SMARCA2: variants seen among roughly 807,000 people sequenced by gnomAD.
SMARCA2 encodes SWI/SNF related BAF chromatin remodeling complex subunit ATPase 2, also known as SWI/SNF-related matrix-associated actin-dependent regulator of chromatin subfamily A member 2.
In SMARCA2, 61 loss-of-function variants were observed where a neutral mutation model predicts 199.8. That is an observed-to-expected ratio of 0.31 (90% CI 0.25 to 0.38). SMARCA2 has a LOEUF of 0.38. Ranked by LOEUF, SMARCA2 falls within the 10% of genes least tolerant of loss-of-function variation. The probability of loss-of-function intolerance (pLI) is 1.00; values close to 1 mark genes in which losing one functional copy is unlikely to be tolerated. For synonymous variants in SMARCA2, 935 were observed against 732.0 expected, an observed-to-expected ratio of 1.28 and a Z score of -4.48; for missense variants, 1,344 against 2,012.2, an observed-to-expected ratio of 0.67 and a Z score of 6.35.
At position 2,161,960 on chromosome 9, in the gene SMARCA2, C is replaced by G; in HGVS notation, c.4199+57C>G. ...TCTCACCAAGACGCCGAGTGGCGCT[C>G]CCTGAGGAGCAGGAGTTGTTAAGTT... On this transcript the variant is annotated intron_variant, in intron 28 of 33. Transcript: ENST00000349721. This position sits in a 1 kb window ranked among gnomAD's most constrained non-coding sequence, Gnocchi z 4.7. The G allele has an allele frequency of 7.1e-7, 1 of 1,401,924 alleles. No individual in the cohort carries two copies. Among genetic ancestry groups the G allele is most frequent in the Non-Finnish European group, 1.0e-6 (1 of 1,001,436 alleles). 86.8% of individuals were successfully genotyped at this position (1,401,924 alleles called of 1,614,324 possible). A position where few individuals can be genotyped will look rare whatever the true frequency, so the allele number is the denominator to read the frequency against.
Position 2,058,351 on chromosome 9 carries a change from G to T in SMARCA2, c.1408G>T (p.Ala470Ser), listed in dbSNP as rs1420651559. The T allele has an allele frequency of 5.0e-6, 8 of 1,614,028 alleles. No individual in the cohort carries two copies. The highest frequency in any genetic ancestry group is 5.9e-6 in the Non-Finnish European group (7 of 1,180,022). ...TTTTAAGGAATATCATCGGTCTGTG[G>T]CCGGAAAGATCCAGAAGCTCTCCAA... ...KDFKEYHRSV[A>S]GKIQKLSKAV... The change falls in exon 8 of 34, where the codon GCC becomes TCC. Residue 470 changes from alanine to serine, a missense_variant. By Grantham distance (99) the Ala-to-Ser change is moderately conservative. Transcript: ENST00000349721.
Position 2,170,575 on chromosome 9 carries a change from G to C in SMARCA2, c.4253+103G>C. 3 of 1,579,546 alleles carry C rather than the reference G, an allele frequency of 1.9e-6. No individual in the cohort carries two copies. Among genetic ancestry groups the C allele is most frequent in the Non-Finnish European group, 2.6e-6 (3 of 1,156,632 alleles). On this transcript the variant is annotated intron_variant, in intron 29 of 33. Coordinates refer to ENST00000349721, the MANE Select transcript of SMARCA2 (RefSeq NM_003070.5). The surrounding 1 kb of genome is among the most constrained non-coding windows in gnomAD (Gnocchi z 4.7). ...CGGCCTTTGGAAGCAAATTTCTTCG[G>C]TCACCTCCTGATCACCCCTACTTGG...
At chr9:2,133,333 G>T (rs1323309209) in intron 27 of SMARCA2, among the ~76,000 whole-genome samples, 1 of 152,020 alleles carries the variant, frequency 6.6e-6, no homozygotes, top group Non-Finnish European at 1.5e-5. Context: ...AAGAGACAGG[G>T]TCTCACTCTG....
rs796548588 is a variant in SMARCA2 at position 2,115,440 on chromosome 9, C to G, written c.3457-382C>G. 4.6e-5 allele frequency among the ~76,000 whole-genome samples: 7 copies of G among 152,242 alleles called. No individual in the cohort carries two copies. The highest frequency in any genetic ancestry group is 1.2e-4 in the African/African-American group (5 of 41,540). On this transcript the variant is annotated intron_variant, in intron 24 of 33. Coordinates refer to ENST00000349721, the MANE Select transcript of SMARCA2 (RefSeq NM_003070.5). The surrounding 1 kb of genome is among the most constrained non-coding windows in gnomAD (Gnocchi z 6.0). ...TCAACACATCACGCCAAAGAAAAGG[C>G]GTTTCTTGCAACTTAAGGTTAGTTG...
chr9:2,095,081 A>C (rs543254943), intron 19 of SMARCA2, among the ~76,000 whole-genome samples: 1 of 151,618 alleles, frequency 6.6e-6, no homozygotes, highest in South Asian at 2.1e-4. Context: ...CAGCTGAAAA[A>C]ATTAGAATTT....
intron 17 of SMARCA2, among the ~76,000 whole-genome samples, chr9:2,085,178 A>G (rs1821747270): frequency 6.6e-6 from 1 of 152,186 alleles, no homozygotes; most frequent in African/African-American, 2.4e-5. Context: ...ACTGGCAACA[A>G]TGCTGTGTTC....
At chr9:2,182,703 C>A (rs998038298) in intron 31 of SMARCA2, among the ~76,000 whole-genome samples, 8 of 152,040 alleles carry the variant, frequency 5.3e-5, no homozygotes, top group African/African-American at 1.9e-4. Flanking sequence ...CCATGTTGGC[C>A]AGGCTGGTCT....
At chr9:2,021,375 A>G (rs1818593675) in intron 1 of SMARCA2, among the ~76,000 whole-genome samples, 1 of 152,226 alleles carries the variant, frequency 6.6e-6, no homozygotes, top group African/African-American at 2.4e-5. Flanking sequence ...TCTAACCAAA[A>G]AGGAACGTCA....
chr9:2,085,430 G>T (rs747639347), intron 17 of SMARCA2, among the ~76,000 whole-genome samples: 11 of 152,184 alleles, frequency 7.2e-5, no homozygotes, highest in Non-Finnish European at 1.3e-4. Context: ...GACCTAATTA[G>T]TAGTAGACCC....
intron 32 of SMARCA2, among the ~76,000 whole-genome samples, chr9:2,187,159 GT>G (rs1292494187): frequency 1.4e-4 from 22 of 152,212 alleles, no homozygotes; most frequent in Middle Eastern, 3.4e-3. Flanking sequence ...ACAGGGTACT[GT>G]CTTTATTTAA....
Position 2,101,600 on chromosome 9 carries a change from A to T in SMARCA2, c.3109A>T (p.Asn1037Tyr). The change falls in exon 22 of 34, where the codon AAT becomes TAT. Residue 1037 changes from asparagine to tyrosine, a missense_variant. This residue lies in a region of SMARCA2 where 98 missense variants were observed against 245.6 expected (regional missense o/e 0.40). Transcript: ENST00000349721. ...ESFAEHLGYS[N>Y]GVINGAELYR... ...CTTTGCTGAACACCTAGGCTATTCAAATGGGGTCATCAATGGGTAAATCTC... is the reference window on the plus strand; with the variant it reads ...CTTTGCTGAACACCTAGGCTATTCATATGGGGTCATCAATGGGTAAATCTC... 6.4e-7 allele frequency: 1 copy of T among 1,560,486 alleles called. No individual in the cohort carries two copies. Among genetic ancestry groups the T allele is most frequent in the Non-Finnish European group, 8.8e-7 (1 of 1,140,746 alleles).
rs1345794048 is a variant in SMARCA2 at position 2,192,609 on chromosome 9, A to AT, written c.4738-89dup. ...TTTGGCGAGTTGTTTCCAAAATGTC[A>AT]TTTTTTCCTACTGGCCTCTTGATGG... On this transcript the variant is annotated intron_variant, in intron 33 of 33. Coordinates refer to ENST00000349721, the MANE Select transcript of SMARCA2 (RefSeq NM_003070.5). The AT allele has an allele frequency of 1.6e-5, 14 of 887,876 alleles. No homozygotes were observed. The East Asian group carries it at 2.2e-4, about 14-fold the overall frequency. 55.0% of individuals were successfully genotyped at this position (887,876 alleles called of 1,614,324 possible).
chr9:2,171,971 C>T (rs943058828), intron 29 of SMARCA2, among the ~76,000 whole-genome samples: 1 of 152,186 alleles, frequency 6.6e-6, no homozygotes, highest in Non-Finnish European at 1.5e-5. Context: ...TGGTTAGGAA[C>T]TAGATAAATT....
At chr9:2,174,094 C>T (rs147316578) in intron 29 of SMARCA2, among the ~76,000 whole-genome samples, 35 of 152,142 alleles carry the variant, frequency 2.3e-4, no homozygotes, top group Admixed American at 1.7e-3. Context: ...AAACTTAGTC[C>T]GTCTGTTTCC....
Position 2,193,430 on chromosome 9 carries a change from G to C in SMARCA2, c.*691G>C, listed in dbSNP as rs1303246759. ...TGCAATCTATATAGTGTATTGGATG[G>C]CTTCTTTTGTCACCCTGATCTCCTA... is the stretch of plus-strand genomic sequence containing the variant. On this transcript the variant is annotated 3_prime_UTR_variant, in exon 34 of 34. Transcript: ENST00000349721. 6.6e-6 allele frequency: 1 copy of C among 152,562 alleles called. No individual in the cohort carries two copies. Among genetic ancestry groups the C allele is most frequent in the Non-Finnish European group, 1.5e-5 (1 of 68,042 alleles). The allele number at this position is 152,562 out of a possible 1,614,324, so 9.5% of individuals were successfully genotyped here.
intron 2 of SMARCA2, among the ~76,000 whole-genome samples, chr9:2,029,770 T>C (rs1818982138): frequency 6.6e-6 from 1 of 152,250 alleles, no homozygotes; most frequent in Admixed American, 6.5e-5. Flanking sequence ...TGTCTCTCTG[T>C]GAAGCACTTT....
intron 13 of SMARCA2, among the ~76,000 whole-genome samples, chr9:2,076,588 C>T (rs2130441258): frequency 6.6e-6 from 1 of 151,964 alleles, no homozygotes; most frequent in African/African-American, 2.4e-5. Flanking sequence ...CTCCTTAATC[C>T]CCACCTCCAG....
Position 2,054,562 on chromosome 9 carries a change from C to A in SMARCA2, c.1047-35C>A, listed in dbSNP as rs113595633. 4.5e-4 allele frequency: 717 copies of A among 1,598,302 alleles called. 1 individual carries two copies. The African/African-American group carries it at 6.0e-3, about 13-fold the overall frequency. ...GATTAAATTGTAATGTGTTTTTCCCCTGCCCCCTTTTCCCCATTTTATTGT... is the reference window on the plus strand; with the variant it reads ...GATTAAATTGTAATGTGTTTTTCCCATGCCCCCTTTTCCCCATTTTATTGT... On this transcript the variant is annotated intron_variant, in intron 5 of 33. Coordinates refer to ENST00000349721, the MANE Select transcript of SMARCA2 (RefSeq NM_003070.5).
intron 1 of SMARCA2, among the ~76,000 whole-genome samples, chr9:2,020,860 ATTTGGAG>A (rs1818571080): frequency 6.6e-6 from 1 of 152,192 alleles, no homozygotes; most frequent in Non-Finnish European, 1.5e-5. Flanking sequence ...TAATTTACAC[ATTTGGAG>A]TGATGGTTTA....
Sources: gnomAD v4.1 joint callset for allele counts (sites outside exome capture counted in the v4.1 genomes callset) on GRCh38, gnomAD v4.1.1 for gene constraint, gnomAD v4.1.1 regional missense constraint, Gnocchi (gnomAD v3.1) non-coding constraint, MANE v1.5 for transcripts, NCBI Gene and HGNC (gene_info 2026-07-23, HGNC 2026-07-21) for gene names.